The following PARVA variants were observed in gnomAD, a reference collection of about 807,000 sequenced individuals.
PARVA encodes the protein parvin alpha.
In PARVA, 25 loss-of-function variants were observed where a neutral mutation model predicts 52.6. The observed-to-expected ratio is 0.48, with a 90% CI of 0.35 to 0.66. PARVA has a LOEUF of 0.66. Among genes scored for constraint, PARVA ranks in the 30% least tolerant of loss-of-function variants. The probability of loss-of-function intolerance (pLI) is 0.01; values close to 1 mark genes in which losing one functional copy is unlikely to be tolerated. For missense variants in PARVA, 373 were observed against 450.9 expected, an observed-to-expected ratio of 0.83 and a Z score of 1.56; for synonymous variants, 185 against 179.1, an observed-to-expected ratio of 1.03 and a Z score of -0.26.
At chr11:12,513,440 G>C (rs763580065) in intron 9 of PARVA, 80 bp downstream of exon 9, 4 of 1,293,594 alleles carry the variant, frequency 3.1e-6, no homozygotes, top group African/African-American at 1.5e-5. Context: ...TGCAGCTTGC[G>C]AGCTTCCTGC....
chr11:12,485,291 T>G (rs952742918), intron 4 of PARVA, among the ~76,000 whole-genome samples: 2 of 151,958 alleles, frequency 1.3e-5, no homozygotes, highest in African/African-American at 4.8e-5. Context: ...ACCATCAGGG[T>G]TGGGTGACTG....
intron 1 of PARVA, among the ~76,000 whole-genome samples, chr11:12,424,892 G>A (rs545840122): frequency 6.6e-6 from 1 of 152,084 alleles, no homozygotes; most frequent in African/African-American, 2.4e-5. Context: ...TGCTAGCTCT[G>A]TCTTTGTAGG....
rs377348074 is a variant in PARVA, at chr11:12,427,703, C to G, written c.137-46042C>G. Among the ~76,000 whole-genome samples the G allele has an allele frequency of 5.2e-4, 79 of 152,204 alleles. 2 individuals carry two copies. The South Asian group carries it at 0.016, about 31-fold the overall frequency. On this transcript the variant is annotated intron_variant, in intron 1 of 12. Transcript: ENST00000334956. Reference sequence around the variant, plus strand: ...GGTCATCAGCAGGGTTGAATAAGGTCAGAATGAAGTTATCTGTTGGCAAAT... The same window carrying G: ...GGTCATCAGCAGGGTTGAATAAGGTGAGAATGAAGTTATCTGTTGGCAAAT...
At chr11:12,462,346 A>G (rs993673700) in intron 1 of PARVA, among the ~76,000 whole-genome samples, 1 of 152,206 alleles carries the variant, frequency 6.6e-6, no homozygotes, top group East Asian at 1.9e-4. Flanking sequence ...CAGGAAACTT[A>G]AAAGTAGAAG....
At chr11:12,508,099 T>TAAAAAAAAAAAAAA (rs35314523) in intron 6 of PARVA, among the ~76,000 whole-genome samples, 1 of 91,790 alleles carries the variant, frequency 1.1e-5, no homozygotes, top group East Asian at 3.5e-4. Context: ...ATTTATCAGT[T>TAAAAAAAAAAAAAA]AAAAAAAAAA....
At chr11:12,430,518 C>G (rs974477595) in intron 1 of PARVA, among the ~76,000 whole-genome samples, 2 of 152,138 alleles carry the variant, frequency 1.3e-5, no homozygotes, top group African/African-American at 4.8e-5. Flanking sequence ...GTTGCTCACA[C>G]TGCCTCCAGC....
At chr11:12,462,728 A>G (rs1367949238) in intron 1 of PARVA, among the ~76,000 whole-genome samples, 1 of 152,208 alleles carries the variant, frequency 6.6e-6, no homozygotes, top group Non-Finnish European at 1.5e-5. Flanking sequence ...CATTGAAAAG[A>G]CCACCGAACT....
intron 4 of PARVA, among the ~76,000 whole-genome samples, chr11:12,482,174 A>T (rs1421078887): frequency 6.7e-6 from 1 of 150,212 alleles, no homozygotes; most frequent in Non-Finnish European, 1.5e-5. Flanking sequence ...AAAAAAAAAG[A>T]AAAAGAAAAA....
At chr11:12,459,238 C>CAAA (rs150935929) in intron 1 of PARVA, among the ~76,000 whole-genome samples, 1 of 151,372 alleles carries the variant, frequency 6.6e-6, no homozygotes, top group African/African-American at 2.4e-5. Flanking sequence ...CCTGTCTCCA[C>CAAA]AACAAAAAAT....
intron 1 of PARVA, among the ~76,000 whole-genome samples, chr11:12,379,695 G>T (rs1298196458): frequency 6.6e-6 from 1 of 152,212 alleles, no homozygotes; most frequent in African/African-American, 2.4e-5. Context: ...CAGCGCTGAG[G>T]ATTATCAGAC....
At chr11:12,521,956 C>T (rs919375882) in intron 12 of PARVA, among the ~76,000 whole-genome samples, 6 of 152,276 alleles carry the variant, frequency 3.9e-5, no homozygotes, top group African/African-American at 9.6e-5. Context: ...GTGCTGACAC[C>T]GTGATTTTAT....
intron 1 of PARVA, among the ~76,000 whole-genome samples, chr11:12,466,730 A>G (rs1471313384): frequency 6.6e-6 from 1 of 151,192 alleles, no homozygotes; most frequent in Non-Finnish European, 1.5e-5. Context: ...TTTTTTTTCT[A>G]GAAGTTTTAT....
chr11:12,391,560 T>C (rs1017864232), intron 1 of PARVA, among the ~76,000 whole-genome samples: 2 of 152,220 alleles, frequency 1.3e-5, no homozygotes, highest in Non-Finnish European at 2.9e-5. Context: ...TGCAGGTTGG[T>C]ATCAATGGGT....
intron 1 of PARVA, among the ~76,000 whole-genome samples, chr11:12,427,003 CATTTT>C (rs1940246858): frequency 6.6e-6 from 1 of 152,008 alleles, no homozygotes; most frequent in Non-Finnish European, 1.5e-5. Flanking sequence ...TTTGAAGTCT[CATTTT>C]AAAGAATTTA....
At chr11:12,405,631 C>T (rs981861683) in intron 1 of PARVA, among the ~76,000 whole-genome samples, 5 of 152,068 alleles carry the variant, frequency 3.3e-5, no homozygotes, top group Non-Finnish European at 7.4e-5. Flanking sequence ...GATATGTTTT[C>T]TCTTTCATTG....
intron 1 of PARVA, among the ~76,000 whole-genome samples, chr11:12,420,152 T>A (rs1335244044): frequency 6.6e-6 from 1 of 152,022 alleles, no homozygotes. Context: ...AATGAAGACT[T>A]TAGGAGAAAA....
chr11:12,431,177 T>C (rs1940309893), intron 1 of PARVA, among the ~76,000 whole-genome samples: 1 of 152,166 alleles, frequency 6.6e-6, no homozygotes, highest in Non-Finnish European at 1.5e-5. Context: ...GTGTTTCCCA[T>C]CCTGTGTAGG....
chr11:12,498,528 T>A (rs543711396), intron 5 of PARVA, among the ~76,000 whole-genome samples: 1 of 151,956 alleles, frequency 6.6e-6, no homozygotes, highest in South Asian at 2.1e-4. Context: ...CATTTGTTAC[T>A]AGTTACATCA....
chr11:12,451,928 C>G (rs1940628563), intron 1 of PARVA, among the ~76,000 whole-genome samples: 1 of 151,868 alleles, frequency 6.6e-6, no homozygotes, highest in Non-Finnish European at 1.5e-5. Flanking sequence ...CTCAAATGAT[C>G]ATGGGTAGCA....
Sources: allele counts gnomAD v4.1 joint callset (sites outside exome capture counted in the v4.1 genomes callset), GRCh38; gene constraint gnomAD v4.1.1; transcripts MANE v1.5; gene names NCBI Gene and HGNC (gene_info 2026-07-23, HGNC 2026-07-21).